Variants in NECTIN1 observed in about 807,000 individuals in gnomAD.
NECTIN1 encodes nectin-1.
A neutral mutation model predicts 48.0 loss-of-function variants in NECTIN1; 23 were observed. The observed-to-expected ratio is 0.48, with a 90% CI of 0.34 to 0.68. The LOEUF is 0.68. NECTIN1 is among the 30% of genes least tolerant of loss of function. The probability of loss-of-function intolerance (pLI) is 0.01; values close to 1 mark genes in which losing one functional copy is unlikely to be tolerated. For missense variants in NECTIN1, 591 were observed against 709.9 expected (o/e 0.83, Z 1.90); for synonymous variants, 270 against 288.9 (o/e 0.93, Z 0.66).
chr11:119,713,954 C>T (rs776482374), intron 1 of NECTIN1: 1 of 439,608 alleles, frequency 2.3e-6, no homozygotes, highest in South Asian at 1.6e-5. Flanking sequence ...AACAGAGTCT[C>T]CTGGGCTTTG....
At chr11:119,668,921 G>A (rs1369865128) in intron 5 of NECTIN1, among the ~76,000 whole-genome samples, 5 of 152,212 alleles carry the variant, frequency 3.3e-5, no homozygotes, top group African/African-American at 1.2e-4. Flanking sequence ...TGTTGCAGTA[G>A]TCTATAAGCT....
At position 119,663,621 on chromosome 11, in the gene NECTIN1, G is replaced by A. The variant is rs543126843; in HGVS notation, c.*1126C>T. ...TGGGCTTCCTTCCCCACTACCCTCC[G>A]TGTGGATGCTTCTTTACCTCTGACT... is the stretch of plus-strand genomic sequence containing the variant. On this transcript the variant is annotated 3_prime_UTR_variant, in exon 6 of 6. Transcript: ENST00000264025. The A allele has an allele frequency of 9.5e-5, 94 of 985,502 alleles. No individual in the cohort carries two copies. Among genetic ancestry groups the A allele is most frequent in the Non-Finnish European group, 1.1e-4 (90 of 829,982 alleles). The allele number at this position is 985,502 out of a possible 1,614,324, so 61.0% of individuals were successfully genotyped here. A position where few individuals can be genotyped will look rare whatever the true frequency, so the allele number is the denominator to read the frequency against.
At chr11:119,715,681 C>T (rs1370559832) in intron 1 of NECTIN1, among the ~76,000 whole-genome samples, 1 of 152,076 alleles carries the variant, frequency 6.6e-6, no homozygotes, top group Non-Finnish European at 1.5e-5. Flanking sequence ...CACATCTTGG[C>T]AGAATGAAGG....
chr11:119,723,509 A>C (rs891861182), intron 1 of NECTIN1, among the ~76,000 whole-genome samples: 10 of 152,174 alleles, frequency 6.6e-5, no homozygotes, highest in African/African-American at 9.7e-5. Flanking sequence ...CTGAGAATAC[A>C]TACCTATTGC....
chr11:119,710,488 C>T (rs182971764), intron 1 of NECTIN1, among the ~76,000 whole-genome samples: 138 of 152,280 alleles, frequency 9.1e-4, no homozygotes, highest in Non-Finnish European at 6.2e-4. Context: ...AGGATAAATT[C>T]ACTGACATGA....
In NECTIN1 at chr11:119,677,402, G is replaced by A. The variant is rs748828612; in HGVS notation, c.733+153C>T. On this transcript the variant is annotated intron_variant, in intron 3 of 5. Transcript: ENST00000264025. The surrounding 1 kb of genome is among the most constrained non-coding windows in gnomAD (Gnocchi z 5.4). The stretch of plus-strand genomic sequence containing the variant: ...TGGAAACAGGAGGGCGACAGGGAAG[G>A]AGGAGAGAAAACGAGCAAAGGGAGG... 1.3e-5 allele frequency among the ~76,000 whole-genome samples: 2 copies of A among 152,088 alleles called. No homozygotes were observed. The highest frequency in any genetic ancestry group is 2.4e-5 in the African/African-American group (1 of 41,412).
Position 119,728,703 on chromosome 11 carries a change from CTGGGTGG to C in NECTIN1, c.-157_-151del. The C allele has an allele frequency of 1.2e-4, 18 of 145,534 alleles. No individual in the cohort carries two copies. Among genetic ancestry groups the C allele is most frequent in the East Asian group, 1.1e-3 (4 of 3,724 alleles). The allele number at this position is 145,534 out of a possible 1,614,324, so 9.0% of individuals were successfully genotyped here. A position where few individuals can be genotyped will look rare whatever the true frequency, so the allele number is the denominator to read the frequency against. On this transcript the variant is annotated 5_prime_UTR_variant, in exon 1 of 6. Transcript: ENST00000264025. ...CAGCCGTCGGCCGGGGCGGGGTGGGCTGGGTGGGATCCGCGCGGCCGCAGTCCGGGCC... is the reference window on the plus strand; with the variant it reads ...CAGCCGTCGGCCGGGGCGGGGTGGGCGATCCGCGCGGCCGCAGTCCGGGCC...
chr11:119,643,469 G>A (rs1257326483), intron 5 of NECTIN1, among the ~76,000 whole-genome samples: 1 of 152,246 alleles, frequency 6.6e-6, no homozygotes, highest in Non-Finnish European at 1.5e-5. Context: ...ACTGGGATCT[G>A]CGCCTGTGTG....
At position 119,684,732 on chromosome 11, in the gene NECTIN1, C is replaced by T. The variant is rs979999443; in HGVS notation, c.80-5967G>A. On this transcript the variant is annotated intron_variant, in intron 1 of 5. Transcript: ENST00000264025. This position sits in a 1 kb window ranked among gnomAD's most constrained non-coding sequence, Gnocchi z 5.2. ...TACCTTCTGAAGCCAAGGCCAGCTC[C>T]GCCTGGGAGAGAGGCCGGTGTGGAG... Among the ~76,000 whole-genome samples, 9 of 152,324 alleles carry T rather than the reference C, an allele frequency of 5.9e-5. No individual in the cohort carries two copies. The Middle Eastern group carries it at 0.01, about 173-fold the overall frequency.
At chr11:119,640,547 G>A (rs1864307898) in intron 5 of NECTIN1, 2 of 170,062 alleles carry the variant, frequency 1.2e-5, no homozygotes, top group South Asian at 1.6e-4. Flanking sequence ...AGTACAGATA[G>A]GTGAAAAGCC....
intron 1 of NECTIN1, among the ~76,000 whole-genome samples, chr11:119,711,522 AG>A (rs1290261432): frequency 6.6e-6 from 1 of 152,140 alleles, no homozygotes; most frequent in Non-Finnish European, 1.5e-5. Context: ...GGGCCTGCAG[AG>A]ATTTTAAGGC....
intron 1 of NECTIN1, among the ~76,000 whole-genome samples, chr11:119,679,277 G>A (rs1306886569): frequency 6.6e-6 from 1 of 152,168 alleles, no homozygotes; most frequent in Non-Finnish European, 1.5e-5. Context: ...TACCTCACGA[G>A]GTTACTGGGG....
chr11:119,727,998 C>T lies in NECTIN1; in HGVS notation c.79+477G>A, dbSNP rs1332119252. Among the ~76,000 whole-genome samples, 2 of 152,178 alleles carry T rather than the reference C, an allele frequency of 1.3e-5. No individual in the cohort carries two copies. Among genetic ancestry groups the T allele is most frequent in the African/African-American group, 2.4e-5 (1 of 41,448 alleles). On this transcript the variant is annotated intron_variant, in intron 1 of 5. Transcript: ENST00000264025. The surrounding 1 kb of genome is among the most constrained non-coding windows in gnomAD (Gnocchi z 4.1). Reference sequence around the variant, plus strand: ...CGGGAGGGGGCCCGAGCGTCCTGAGCCGTCTGGCAAAGGGGCCGCCGAAAG... The same window carrying T: ...CGGGAGGGGGCCCGAGCGTCCTGAGTCGTCTGGCAAAGGGGCCGCCGAAAG...
In NECTIN1 at chr11:119,684,799, T is replaced by G. The variant is rs1172380797; in HGVS notation, c.80-6034A>C. Reference sequence around the variant, plus strand: ...CACCCACTTCCTTTCTGGGGTCCCCTCCTTTCACAGGTTTTGCCAATCAGT... The same window carrying G: ...CACCCACTTCCTTTCTGGGGTCCCCGCCTTTCACAGGTTTTGCCAATCAGT... On this transcript the variant is annotated intron_variant, in intron 1 of 5. Coordinates refer to ENST00000264025, the MANE Select transcript of NECTIN1 (RefSeq NM_002855.5). This position sits in a 1 kb window ranked among gnomAD's most constrained non-coding sequence, Gnocchi z 5.2. Among the ~76,000 whole-genome samples the G allele has an allele frequency of 1.1e-4, 17 of 152,088 alleles. No individual in the cohort carries two copies. The highest frequency in any genetic ancestry group is 1.1e-3 in the Admixed American group (17 of 15,268).
chr11:119,708,936 C>T (rs1015491277), intron 1 of NECTIN1, among the ~76,000 whole-genome samples: 2 of 151,966 alleles, frequency 1.3e-5, no homozygotes, highest in Non-Finnish European at 2.9e-5. Flanking sequence ...CTAAGAGCAC[C>T]GGTCTTCTGA....
intron 1 of NECTIN1, among the ~76,000 whole-genome samples, chr11:119,702,439 G>A (rs1029028125): frequency 1.3e-5 from 2 of 152,234 alleles, no homozygotes; most frequent in African/African-American, 4.8e-5. Context: ...CGAGTCCAGG[G>A]CTGTGGCTGA....
At chr11:119,685,339 G>A (rs1444701412) in intron 1 of NECTIN1, among the ~76,000 whole-genome samples, 2 of 152,246 alleles carry the variant, frequency 1.3e-5, no homozygotes, top group African/African-American at 2.4e-5. Flanking sequence ...GGCGCCCGGC[G>A]CCTTGGGCGG....
In NECTIN1 at chr11:119,648,264, A is replaced by ATGCTG. The variant is rs1565376362; in HGVS notation, c.1004-8253_1004-8252insCAGCA. Among the ~76,000 whole-genome samples the ATGCTG allele has an allele frequency of 6.7e-5, 2 of 29,718 alleles. 1 individual carries two copies. The allele number at this position is 29,718 out of a possible 152,430, so 19.5% of individuals were successfully genotyped here. ...TAGTGGTGGTGATAGAGGTGGTAATAGTGGTGGTGGTGATGGTGGTGGTGA... is the reference window on the plus strand; with the variant it reads ...TAGTGGTGGTGATAGAGGTGGTAATATGCTGGTGGTGGTGGTGATGGTGGTGGTGA... On this transcript the variant is annotated intron_variant, in intron 5 of 7. Transcript: ENST00000341398.
At chr11:119,680,575 C>T (rs1032238069) in intron 1 of NECTIN1, among the ~76,000 whole-genome samples, 19 of 152,224 alleles carry the variant, frequency 1.2e-4, no homozygotes, top group South Asian at 2.1e-4. Context: ...CCCTCTCTTC[C>T]GCTCGAGAGG....
Sources: allele counts gnomAD v4.1 joint callset (sites outside exome capture counted in the v4.1 genomes callset), GRCh38; gene constraint gnomAD v4.1.1; non-coding constraint Gnocchi (gnomAD v3.1); transcripts MANE v1.5; gene names NCBI Gene and HGNC (gene_info 2026-07-23, HGNC 2026-07-21).